TDRD1: variants seen among roughly 807,000 people sequenced by gnomAD.
The protein encoded by TDRD1 is tudor domain-containing protein 1.
TDRD1 carries 37 observed loss-of-function variants against 140.6 expected under a neutral mutation model. The observed-to-expected ratio is 0.26, with a 90% CI of 0.20 to 0.35. TDRD1 has a LOEUF of 0.35. TDRD1 is among the 10% of genes least tolerant of loss of function. The pLI, the probability that TDRD1 is intolerant of heterozygous loss-of-function variation, is 1.00. For synonymous variants in TDRD1, 506 were observed against 475.7 expected, an observed-to-expected ratio of 1.06 and a Z score of -0.83; for missense variants, 1,243 against 1,393.0, an observed-to-expected ratio of 0.89 and a Z score of 1.71.
intron 3 of TDRD1, among the ~76,000 whole-genome samples, chr10:114,196,973 A>C (rs565059902): frequency 1.3e-5 from 2 of 148,940 alleles, no homozygotes; most frequent in East Asian, 4.0e-4. Flanking sequence ...CAGCCTCCCA[A>C]GTAGCTGGGA....
In TDRD1 at chr10:114,217,552, G is replaced by GA; in HGVS notation, c.2223dup (p.Leu742ThrfsTer3). 6.4e-7 allele frequency: 1 copy of GA among 1,559,240 alleles called. No individual in the cohort carries two copies. The highest frequency in any genetic ancestry group is 8.7e-7 in the Non-Finnish European group (1 of 1,145,352). On this transcript the variant is annotated frameshift_variant, in exon 17 of 26. Coordinates refer to ENST00000251864, the Ensembl canonical transcript of TDRD1. LOFTEE classifies it high-confidence loss of function. The stretch of plus-strand genomic sequence containing the variant: ...TCCTATGTGTATTTTCAGCTTTAAA[G>GA]AAACTCAATGATTTGAACAAGTCAT...
chr10:114,204,170 A>G lies in TDRD1; in HGVS notation c.1079A>G (p.Asn360Ser). ...GGAAATGAAGAAATAATTCCATTAAACAGAATTTACCACCTCAACAGGAAC... is the reference window on the plus strand; with the variant it reads ...GGAAATGAAGAAATAATTCCATTAAGCAGAATTTACCACCTCAACAGGAAC... The change falls in exon 9 of 26, where the codon AAC becomes AGC. Residue 360 changes from asparagine to serine, a missense_variant. Physicochemically the swap from Asn to Ser is conservative, Grantham distance 46 (BLOSUM62 1). Coordinates refer to ENST00000251864, the Ensembl canonical transcript of TDRD1. 4 of 1,600,332 alleles carry G rather than the reference A, an allele frequency of 2.5e-6. No individual in the cohort carries two copies. In the South Asian group the frequency reaches 4.6e-5, roughly 18 times the overall value.
chr10:114,177,807 A>G (rs1349347062), upstream of TDRD1, among the ~76,000 whole-genome samples: 6 of 151,060 alleles, frequency 4.0e-5, no homozygotes, highest in African/African-American at 1.5e-4. Context: ...AACTCTGTAC[A>G]GCACCTTCTT....
exon 19 of TDRD1, chr10:114,220,667 C>T: frequency 6.2e-7 from 1 of 1,613,902 alleles, no homozygotes; most frequent in Non-Finnish European, 8.5e-7. Context: ...GTTGAAGTCA[C>T]TGAAAATGGG....
At chr10:114,224,953 G>A (rs532243608) in intron 21 of TDRD1, among the ~76,000 whole-genome samples, 20 of 152,320 alleles carry the variant, frequency 1.3e-4, no homozygotes, top group African/African-American at 4.6e-4. Context: ...GTGGGCAGGG[G>A]CTTTTCCACT....
chr10:114,213,691 T>C, intron 15 of TDRD1, 103 bp downstream of exon 15: 1 of 1,066,124 alleles, frequency 9.4e-7, no homozygotes, highest in South Asian at 1.7e-5. Flanking sequence ...TGAATGCCTT[T>C]CATCTTTTTA....
chr10:114,199,360 A>G (rs377072305), intron 4 of TDRD1, 43 bp downstream of exon 4: 79 of 1,559,400 alleles, frequency 5.1e-5, no homozygotes, highest in Non-Finnish European at 6.6e-5. Context: ...TCTTCCACAT[A>G]TTTGAAAAAC....
intron 25 of TDRD1, among the ~76,000 whole-genome samples, chr10:114,231,130 A>G (rs1200404995): frequency 6.6e-6 from 1 of 152,242 alleles, no homozygotes; most frequent in African/African-American, 2.4e-5. Context: ...ATTGTTAGCA[A>G]TTTAATTGTA....
upstream of TDRD1, among the ~76,000 whole-genome samples, chr10:114,176,320 A>G (rs1018194941): frequency 6.6e-6 from 1 of 152,160 alleles, no homozygotes; most frequent in African/African-American, 2.4e-5. The surrounding 1 kb of genome is among the most constrained non-coding windows in gnomAD (Gnocchi z 4.2). Flanking sequence ...AGTTACTGTA[A>G]TAAATAAATT....
At chr10:114,186,131 G>C (rs2033503402) in intron 1 of TDRD1, among the ~76,000 whole-genome samples, 1 of 151,966 alleles carries the variant, frequency 6.6e-6, no homozygotes, top group African/African-American at 2.4e-5. Flanking sequence ...AAGATTTCCT[G>C]TGATTTTAAA....
chr10:114,190,814 T>C (rs1414653857), intron 2 of TDRD1, 147 bp from the exon 3 acceptor site: 19 of 729,280 alleles, frequency 2.6e-5, no homozygotes, highest in Non-Finnish European at 4.3e-5. Flanking sequence ...TTGGGAAAAG[T>C]AGGATGTTGC....
chr10:114,209,496 ATGT>A (rs961432513), intron 11 of TDRD1, among the ~76,000 whole-genome samples: 2 of 152,178 alleles, frequency 1.3e-5, no homozygotes, highest in African/African-American at 4.8e-5. Flanking sequence ...CTTCTCCCTT[ATGT>A]TGTGATTTCT....
Position 114,212,042 on chromosome 10 carries a change from A to G in TDRD1, c.1831+6A>G. ...TATAAAGTGTGTACTAGCAGGTATG[A>G]AATTTTTATAGCCTCCATATTCTTT... On this transcript the variant is annotated splice_donor_region_variant and intron_variant, in intron 14 of 25. Transcript: ENST00000251864. 1 of 1,592,272 alleles carries G rather than the reference A, an allele frequency of 6.3e-7. No individual in the cohort carries two copies. Among genetic ancestry groups the G allele is most frequent in the Non-Finnish European group, 8.5e-7 (1 of 1,174,474 alleles).
intron 25 of TDRD1, chr10:114,228,190 T>C: frequency 2.0e-6 from 3 of 1,502,712 alleles, no homozygotes; most frequent in Non-Finnish European, 1.8e-6. Flanking sequence ...TCTTCAGGCA[T>C]ATTGGCAGGA....
At chr10:114,181,298 C>T (rs1217817901) in intron 1 of TDRD1, among the ~76,000 whole-genome samples, 1 of 152,120 alleles carries the variant, frequency 6.6e-6, no homozygotes, top group Non-Finnish European at 1.5e-5. Flanking sequence ...TTCTATTTAT[C>T]ACTAGTAGCA....
At chr10:114,184,782 T>C (rs2120054833) in intron 1 of TDRD1, among the ~76,000 whole-genome samples, 1 of 152,312 alleles carries the variant, frequency 6.6e-6, no homozygotes, top group East Asian at 1.9e-4. Flanking sequence ...ATTTCCTTTG[T>C]GATTTTTTTA....
intron 4 of TDRD1, among the ~76,000 whole-genome samples, chr10:114,200,190 C>T (rs1163725204): frequency 2.6e-5 from 4 of 152,288 alleles, no homozygotes; most frequent in African/African-American, 7.2e-5. Context: ...TTTTTCAGTA[C>T]GTAAGTCTTA....
chr10:114,185,409 C>T (rs373934232), intron 1 of TDRD1, among the ~76,000 whole-genome samples: 48 of 152,122 alleles, frequency 3.2e-4, no homozygotes, highest in Admixed American at 1.4e-3. Flanking sequence ...AGGCTGGTCT[C>T]GAACTCCTGA....
Position 114,214,840 on chromosome 10 carries a change from C to T in TDRD1, c.2212+726C>T, listed in dbSNP as rs567098467. Reference sequence around the variant, plus strand: ...GCAACCTCTGCCTCCCAGGTTCAAGCGATTCTCCTGTCTCAGCCTCCTGAG... The same window carrying T: ...GCAACCTCTGCCTCCCAGGTTCAAGTGATTCTCCTGTCTCAGCCTCCTGAG... On this transcript the variant is annotated intron_variant, in intron 16 of 25. Coordinates refer to ENST00000251864, the Ensembl canonical transcript of TDRD1. 6.6e-5 allele frequency among the ~76,000 whole-genome samples: 10 copies of T among 151,966 alleles called. No individual in the cohort carries two copies. In the South Asian group the frequency reaches 1.7e-3, roughly 25 times the overall value.
Sources: allele counts gnomAD v4.1 joint callset (sites outside exome capture counted in the v4.1 genomes callset), GRCh38; gene constraint gnomAD v4.1.1; non-coding constraint Gnocchi (gnomAD v3.1); transcripts MANE v1.5; gene names NCBI Gene and HGNC (gene_info 2026-07-23, HGNC 2026-07-21).